FZD3: variants seen among roughly 807,000 people sequenced by gnomAD.
FZD3 encodes frizzled-3.
Under a neutral mutation model 60.7 loss-of-function variants are expected in FZD3, and 30 were observed. The observed-to-expected ratio is 0.49, with a 90% CI of 0.37 to 0.67. The LOEUF (loss-of-function observed/expected upper bound fraction) is 0.67, where lower values mean the gene tolerates loss of function less well. FZD3 is among the 30% of genes least tolerant of loss of function. The pLI is 0.00. For synonymous variants in FZD3, 246 were observed against 275.2 expected, an observed-to-expected ratio of 0.89 and a Z score of 1.05; for missense variants, 605 against 838.7, an observed-to-expected ratio of 0.72 and a Z score of 3.44.
Position 28,568,214 on chromosome 8 carries a change from C to T in FZD3, c.*5203C>T, listed in dbSNP as rs941884645. On this transcript the variant is annotated 3_prime_UTR_variant, in exon 8 of 8. Coordinates refer to ENST00000240093, the MANE Select transcript of FZD3 (RefSeq NM_017412.4). ...TTTTCAATGCTTTTGTGTCGTTTTA[C>T]AGCTGATTAAGAAAAAATGTTTACA... The T allele has an allele frequency of 6.6e-6, 1 of 152,086 alleles. No homozygotes were observed. The highest frequency in any genetic ancestry group is 1.5e-5 in the Non-Finnish European group (1 of 67,982). 9.4% of individuals were successfully genotyped at this position (152,086 alleles called of 1,614,324 possible).
At chr8:28,499,776 A>G (rs1338799460) in intron 1 of FZD3, among the ~76,000 whole-genome samples, 157 bp from the exon 2 acceptor site, 1 of 151,858 alleles carries the variant, frequency 6.6e-6, no homozygotes, top group Non-Finnish European at 1.5e-5. Flanking sequence ...ATCTTTTCAT[A>G]TGTTTCTTGG....
chr8:28,541,340 A>C (rs1805161469), intron 5 of FZD3, among the ~76,000 whole-genome samples: 1 of 152,198 alleles, frequency 6.6e-6, no homozygotes, highest in African/African-American at 2.4e-5. Context: ...TTTTGGCTTT[A>C]ACCAGAACCC....
chr8:28,510,065 C>T (rs976237966), intron 3 of FZD3, among the ~76,000 whole-genome samples: 2 of 152,080 alleles, frequency 1.3e-5, no homozygotes, highest in African/African-American at 4.8e-5. Flanking sequence ...CACAAGATTC[C>T]AATTTCTCCA....
In FZD3 at chr8:28,563,231, G is replaced by A. The variant is rs1805647846; in HGVS notation, c.*220G>A. On this transcript the variant is annotated 3_prime_UTR_variant, in exon 8 of 8. Transcript: ENST00000240093. ...AATTCTATCATCACAAAAATAATTC[G>A]TCTTTCTAGGTTATGAAGAGATAAT... 6 of 505,462 alleles carry A rather than the reference G, an allele frequency of 1.2e-5. No homozygotes were observed. Among genetic ancestry groups the A allele is most frequent in the Admixed American group, 3.3e-5 (1 of 30,734 alleles). 31.3% of individuals were successfully genotyped at this position (505,462 alleles called of 1,614,324 possible).
chr8:28,572,670 A>T lies in FZD3; in HGVS notation c.*9659A>T, dbSNP rs549575098. The T allele has an allele frequency of 8.5e-5, 13 of 152,258 alleles. No homozygotes were observed. Among genetic ancestry groups the T allele is most frequent in the Non-Finnish European group, 1.6e-4 (11 of 67,996 alleles). The allele number at this position is 152,258 out of a possible 1,614,324, so 9.4% of individuals were successfully genotyped here. ...CAAAATAATTTCCCCCTCACATCTA[A>T]TGTGGACTCAAATTTTGGCAACTGG... On this transcript the variant is annotated 3_prime_UTR_variant, in exon 8 of 8. Coordinates refer to ENST00000240093, the MANE Select transcript of FZD3 (RefSeq NM_017412.4).
chr8:28,551,812 G>A (rs1805417437), intron 6 of FZD3, 61 bp downstream of exon 6: 1 of 1,298,050 alleles, frequency 7.7e-7, no homozygotes, highest in African/African-American at 1.5e-5. Flanking sequence ...ATTTTTTTGT[G>A]TTGCTTATGT....
chr8:28,532,100 T>C (rs13258237), intron 5 of FZD3, among the ~76,000 whole-genome samples: 80,865 of 152,102 alleles, frequency 0.53, 22,028 homozygotes, highest in South Asian at 0.63. Flanking sequence ...ATAGTTCATC[T>C]ATTTCAATTG....
intron 7 of FZD3, among the ~76,000 whole-genome samples, chr8:28,559,258 A>T (rs1285268810): frequency 1.3e-5 from 2 of 152,222 alleles, no homozygotes; most frequent in Non-Finnish European, 2.9e-5. Flanking sequence ...TTGAGTCACT[A>T]TTAAGAAAAG....
rs17059195 is a variant in FZD3, at chr8:28,527,777, C to T, written c.1017C>T (p.Pro339=). 1,168 of 1,614,118 alleles carry T rather than the reference C, an allele frequency of 7.2e-4. 11 individuals carry two copies. In the East Asian group the frequency reaches 0.02, roughly 28 times the overall value. The change falls in exon 5 of 8, where the codon CCC becomes CCT. Residue 339 remains proline, a synonymous_variant. Coordinates refer to ENST00000240093, the MANE Select transcript of FZD3 (RefSeq NM_017412.4). The surrounding 1 kb of genome is among the most constrained non-coding windows in gnomAD (Gnocchi z 5.0). ...TTCACGCCAGTGCATGGGGCATCCCCGGAACTCTAACCATCATCCTTTTAG... is the reference window on the plus strand; with the variant it reads ...TTCACGCCAGTGCATGGGGCATCCCTGGAACTCTAACCATCATCCTTTTAG... ...LLFHASAWGI[P]GTLTIILLAM...
At chr8:28,511,865 T>C (rs750425508) in intron 3 of FZD3, among the ~76,000 whole-genome samples, 1 of 151,404 alleles carries the variant, frequency 6.6e-6, no homozygotes, top group Non-Finnish European at 1.5e-5. Context: ...TTTATTCATC[T>C]TTGTATGCCC....
intron 5 of FZD3, among the ~76,000 whole-genome samples, chr8:28,544,194 T>C (rs1025028116): frequency 1.2e-4 from 19 of 152,144 alleles, no homozygotes; most frequent in Admixed American, 9.8e-4. Context: ...CAGTTCTAAG[T>C]ACTTTAAGCT....
intron 3 of FZD3, among the ~76,000 whole-genome samples, chr8:28,514,037 C>T (rs187986173): frequency 9.2e-5 from 14 of 152,254 alleles, no homozygotes; most frequent in African/African-American, 2.6e-4. Flanking sequence ...GGAAGGTTCC[C>T]TGTAGTGCAC....
intron 3 of FZD3, among the ~76,000 whole-genome samples, chr8:28,514,412 G>A (rs2130325202): frequency 6.6e-6 from 1 of 152,282 alleles, no homozygotes; most frequent in Non-Finnish European, 1.5e-5. Context: ...TGTGAGTACA[G>A]TAAACTGCCC....
At chr8:28,556,452 A>G in intron 7 of FZD3, among the ~76,000 whole-genome samples, 1 of 152,342 alleles carries the variant, frequency 6.6e-6, no homozygotes, top group Non-Finnish European at 1.5e-5. Flanking sequence ...CTCTTTAATA[A>G]TCTTGTACAA....
rs765141407 is a variant in FZD3 at position 28,520,805 on chromosome 8, T to C, written c.357T>C (p.Val119=). 1 of 1,605,948 alleles carries C rather than the reference T, an allele frequency of 6.2e-7. No homozygotes were observed. Among genetic ancestry groups the C allele is most frequent in the East Asian group, 2.2e-5 (1 of 44,744 alleles). ...CGAAGCTCATGGAGATGTTTGGTGT[T>C]CCTTGGCCTGAAGATATGGAATGCA... The part of the protein sequence containing the change: ...ECSKLMEMFG[V]PWPEDMECSR... Residue 119 remains valine (V), a synonymous_variant, in exon 4 of 8, where the codon GTT becomes GTC. Coordinates refer to ENST00000240093, the MANE Select transcript of FZD3 (RefSeq NM_017412.4).
intron 5 of FZD3, among the ~76,000 whole-genome samples, chr8:28,529,206 C>T (rs569451914): frequency 6.6e-6 from 1 of 152,088 alleles, no homozygotes; most frequent in Non-Finnish European, 1.5e-5. Flanking sequence ...AGGCGTTAGT[C>T]ACCATGCCAG....
chr8:28,554,677 T>C (rs1805475345), intron 6 of FZD3, among the ~76,000 whole-genome samples: 1 of 152,128 alleles, frequency 6.6e-6, no homozygotes, highest in South Asian at 2.1e-4. Flanking sequence ...CATGAATCTC[T>C]GTAATGATGA....
In FZD3 at chr8:28,568,410, GGTATCGCAT is replaced by G. The variant is rs1805743357; in HGVS notation, c.*5401_*5409del. ...ATTTGGGAAAGGAGTAGGAAGACTA[GGTATCGCAT>G]GCCTTCCGTCTGATTGTAATCAGTC... On this transcript the variant is annotated 3_prime_UTR_variant, in exon 8 of 8. Coordinates refer to ENST00000240093, the MANE Select transcript of FZD3 (RefSeq NM_017412.4). The G allele has an allele frequency of 6.6e-6, 1 of 152,018 alleles. No homozygotes were observed. Among genetic ancestry groups the G allele is most frequent in the African/African-American group, 2.4e-5 (1 of 41,400 alleles). The allele number at this position is 152,018 out of a possible 1,614,324, so 9.4% of individuals were successfully genotyped here.
At chr8:28,510,349 A>T (rs1804253365) in intron 3 of FZD3, among the ~76,000 whole-genome samples, 1 of 152,198 alleles carries the variant, frequency 6.6e-6, no homozygotes, top group East Asian at 1.9e-4. Flanking sequence ...AGAAGTATAA[A>T]TGTATGTGTT....
Sources: allele counts gnomAD v4.1 joint callset (sites outside exome capture counted in the v4.1 genomes callset), GRCh38; gene constraint gnomAD v4.1.1; non-coding constraint Gnocchi (gnomAD v3.1); transcripts MANE v1.5; gene names NCBI Gene and HGNC (gene_info 2026-07-23, HGNC 2026-07-21).